HCRTR2: variants seen among roughly 807,000 people sequenced by gnomAD.
HCRTR2 encodes the protein orexin receptor type 2.
A neutral mutation model predicts 49.0 loss-of-function variants in HCRTR2; 22 were observed. That is an observed-to-expected ratio of 0.45 (90% CI 0.32 to 0.64). The LOEUF (loss-of-function observed/expected upper bound fraction) is 0.64, where lower values mean the gene tolerates loss of function less well. Among genes scored for constraint, HCRTR2 ranks in the 30% least tolerant of loss-of-function variants. The probability of loss-of-function intolerance (pLI) is 0.04; values close to 1 mark genes in which losing one functional copy is unlikely to be tolerated. For missense variants in HCRTR2, 491 were observed against 559.4 expected (o/e 0.88, Z 1.23); for synonymous variants, 236 against 205.3 (o/e 1.15, Z -1.28).
chr6:55,239,974 G>A (rs184950738), intron 1 of HCRTR2, among the ~76,000 whole-genome samples: 70 of 151,752 alleles, frequency 4.6e-4, no homozygotes, highest in Admixed American at 4.3e-3. Flanking sequence ...ATGGGGTTTC[G>A]CCATGTTGGC....
chr6:55,112,768 T>G (rs538506536), intron 1 of HCRTR2, among the ~76,000 whole-genome samples: 1 of 152,128 alleles, frequency 6.6e-6, no homozygotes, highest in South Asian at 2.1e-4. Context: ...ATCATTATTC[T>G]TCACATAACT....
intron 1 of HCRTR2, among the ~76,000 whole-genome samples, chr6:55,214,738 A>G (rs1765758365): frequency 1.3e-5 from 2 of 152,082 alleles, no homozygotes; most frequent in South Asian, 2.1e-4. Flanking sequence ...ATGTAACTAT[A>G]AGTAAAGAGA....
intron 1 of HCRTR2, among the ~76,000 whole-genome samples, chr6:55,199,566 A>G (rs1484504801): frequency 6.6e-6 from 1 of 152,220 alleles, no homozygotes; most frequent in African/African-American, 2.4e-5. Flanking sequence ...TAATTTTTCT[A>G]GTAATACATT....
downstream of HCRTR2, chr6:55,282,638 T>C: frequency 1.7e-6 from 1 of 597,482 alleles, no homozygotes; most frequent in Non-Finnish European, 2.9e-6. Context: ...ACTTTTGATT[T>C]AAATATGTTA....
At chr6:55,113,255 C>T (rs1465006642) in intron 1 of HCRTR2, among the ~76,000 whole-genome samples, 1 of 151,950 alleles carries the variant, frequency 6.6e-6, no homozygotes, top group Non-Finnish European at 1.5e-5. Flanking sequence ...AAAGCAAATG[C>T]AACATAAGCA....
intron 1 of HCRTR2, among the ~76,000 whole-genome samples, chr6:55,200,268 T>TGTGTGTGC (rs1765489825): frequency 6.7e-6 from 1 of 150,298 alleles, no homozygotes; most frequent in South Asian, 2.1e-4. Context: ...TGTGTGTGTG[T>TGTGTGTGC]GTGTGTGTGT....
intron 1 of HCRTR2, among the ~76,000 whole-genome samples, chr6:55,158,329 G>A (rs915809033): frequency 5.3e-5 from 8 of 152,256 alleles, no homozygotes; most frequent in East Asian, 1.9e-4. Context: ...AGATTCCCTC[G>A]GGTGCCTACA....
intron 2 of HCRTR2, among the ~76,000 whole-genome samples, chr6:55,249,791 A>C (rs1766513525): frequency 6.6e-6 from 1 of 152,104 alleles, no homozygotes; most frequent in Non-Finnish European, 1.5e-5. Context: ...TCACTCATCC[A>C]TCCTAAAAGA....
At chr6:55,122,420 G>T (rs1462044734) in intron 1 of HCRTR2, among the ~76,000 whole-genome samples, 1 of 151,968 alleles carries the variant, frequency 6.6e-6, no homozygotes, top group African/African-American at 2.4e-5. Context: ...ACCAGCTCCT[G>T]GATTCATTGA....
chr6:55,160,747 C>T (rs1561991044), intron 1 of HCRTR2, among the ~76,000 whole-genome samples: 1 of 152,174 alleles, frequency 6.6e-6, no homozygotes, highest in Non-Finnish European at 1.5e-5. Flanking sequence ...AAGGGCATTA[C>T]ATAATGATAA....
intron 4 of HCRTR2, among the ~76,000 whole-genome samples, chr6:55,275,556 ATT>A (rs5876434): frequency 6.8e-6 from 1 of 148,040 alleles, no homozygotes; most frequent in Non-Finnish European, 1.5e-5. Flanking sequence ...GCATCACTAC[ATT>A]TTTTTTTTCC....
Position 55,131,603 on chromosome 6 carries a change from C to T in HCRTR2, c.-378+25058C>T, listed in dbSNP as rs116718713. ...ACTAAAGTCAGTTAATTTAACATTT[C>T]GACAAGCAAAAAAAGGCAAAAATTT... On this transcript the variant is annotated intron_variant, in intron 1 of 7. Coordinates refer to the HCRTR2 transcript ENST00000615358. Among the ~76,000 whole-genome samples the T allele has an allele frequency of 2.6e-4, 39 of 151,446 alleles. 1 individual carries two copies. Among genetic ancestry groups the T allele is most frequent in the Non-Finnish European group, 4.1e-4 (28 of 67,640 alleles).
At chr6:55,224,365 C>A (rs751658058) in intron 1 of HCRTR2, among the ~76,000 whole-genome samples, 1 of 152,044 alleles carries the variant, frequency 6.6e-6, no homozygotes, top group Non-Finnish European at 1.5e-5. Context: ...CGCCTGTAAT[C>A]GCAGCACTTT....
chr6:55,220,603 T>C (rs1361696630), intron 1 of HCRTR2, among the ~76,000 whole-genome samples: 2 of 152,166 alleles, frequency 1.3e-5, no homozygotes, highest in African/African-American at 4.8e-5. Context: ...GATAACATCA[T>C]ACTCAATGGT....
At chr6:55,159,635 G>A (rs1028280724) in intron 1 of HCRTR2, among the ~76,000 whole-genome samples, 1 of 152,172 alleles carries the variant, frequency 6.6e-6, no homozygotes, top group African/African-American at 2.4e-5. Flanking sequence ...GTTTAGAGAA[G>A]AGCATAAATG....
At chr6:55,224,533 G>A (rs947676362) in intron 1 of HCRTR2, among the ~76,000 whole-genome samples, 2 of 151,956 alleles carry the variant, frequency 1.3e-5, no homozygotes, top group African/African-American at 4.8e-5. Context: ...TGAGGCAGGA[G>A]AATGGCGTGA....
chr6:55,229,953 C>T (rs1036010844), intron 1 of HCRTR2, among the ~76,000 whole-genome samples: 8 of 152,130 alleles, frequency 5.3e-5, no homozygotes, highest in African/African-American at 1.9e-4. Context: ...TTTACACACA[C>T]CGCTTCACAG....
intron 1 of HCRTR2, among the ~76,000 whole-genome samples, chr6:55,176,976 G>A (rs771957591): frequency 1.3e-5 from 2 of 152,130 alleles, no homozygotes; most frequent in Non-Finnish European, 2.9e-5. Context: ...GTGGTAAAAT[G>A]TGCTCTTCTT....
intron 3 of HCRTR2, among the ~76,000 whole-genome samples, chr6:55,257,677 A>C (rs1766679063): frequency 1.3e-5 from 2 of 151,888 alleles, no homozygotes; most frequent in Non-Finnish European, 2.9e-5. Context: ...CATAAAGCTC[A>C]TTTCTACTCT....
Sources: gnomAD v4.1 joint callset for allele counts (sites outside exome capture counted in the v4.1 genomes callset) on GRCh38, gnomAD v4.1.1 for gene constraint, MANE v1.5 for transcripts, NCBI Gene and HGNC (gene_info 2026-07-23, HGNC 2026-07-21) for gene names.